Variants in KCNT1 observed in about 807,000 individuals in gnomAD.
KCNT1 encodes potassium sodium-activated channel subfamily T member 1, also known as potassium channel subfamily T member 1.
Under a neutral mutation model 147.8 loss-of-function variants are expected in KCNT1, and 78 were observed. The ratio of observed to expected loss-of-function variants is 0.53; its 90% CI spans 0.44 to 0.64. The LOEUF is 0.64. KCNT1 is among the 30% of genes least tolerant of loss of function. The pLI is 0.00. For missense variants in KCNT1, 1,419 were observed against 1,750.3 expected (o/e 0.81, Z 3.38); for synonymous variants, 867 against 748.8 (o/e 1.16, Z -2.58).
intron 2 of KCNT1, chr9:135,736,407 A>C (rs1387818842): frequency 1.3e-5 from 2 of 152,044 alleles, no homozygotes; most frequent in African/African-American, 4.8e-5. Flanking sequence ...GCTTCTGCCA[A>C]AGCAGCCGCA....
intron 13 of KCNT1, among the ~76,000 whole-genome samples, chr9:135,766,997 A>C (rs1442423915): frequency 2.0e-5 from 3 of 152,082 alleles, no homozygotes; most frequent in African/African-American, 7.2e-5. Flanking sequence ...AGGTAACAAG[A>C]GTATATTATT....
intron 1 of KCNT1, among the ~76,000 whole-genome samples, chr9:135,705,984 C>T (rs1304326010): frequency 1.3e-5 from 2 of 152,144 alleles, no homozygotes; most frequent in African/African-American, 4.8e-5. Context: ...ATTGCAGGAC[C>T]AGGGTCTGGA....
chr9:135,712,895 T>G (rs1835559656), intron 1 of KCNT1, among the ~76,000 whole-genome samples: 1 of 152,216 alleles, frequency 6.6e-6, no homozygotes, highest in African/African-American at 2.4e-5. Context: ...AAGAAGGGCA[T>G]CTTGTCCTTG....
intron 4 of KCNT1, among the ~76,000 whole-genome samples, chr9:135,753,285 A>G (rs554336867): frequency 1.3e-5 from 2 of 152,318 alleles, no homozygotes; most frequent in African/African-American, 4.8e-5. Context: ...GGAGCTGGCC[A>G]TCACCAGGGG....
chr9:135,725,838 G>A (rs1360467557), intron 2 of KCNT1, among the ~76,000 whole-genome samples: 1 of 152,216 alleles, frequency 6.6e-6, no homozygotes, highest in Non-Finnish European at 1.5e-5. Flanking sequence ...GTCCTAAGTT[G>A]ATTGAATATA....
At chr9:135,709,761 A>G (rs769869929) in intron 1 of KCNT1, among the ~76,000 whole-genome samples, 1 of 151,946 alleles carries the variant, frequency 6.6e-6, no homozygotes, top group Non-Finnish European at 1.5e-5. Flanking sequence ...GCTCACTGCA[A>G]CCTCCGCCTC....
At chr9:135,735,552 G>A (rs1001187287) in intron 2 of KCNT1, among the ~76,000 whole-genome samples, 1 of 152,186 alleles carries the variant, frequency 6.6e-6, no homozygotes, top group African/African-American at 2.4e-5. Context: ...GATTCAGGGT[G>A]GGGGAACAGG....
chr9:135,767,660 C>T (rs1000957273), intron 13 of KCNT1, among the ~76,000 whole-genome samples: 12 of 152,062 alleles, frequency 7.9e-5, no homozygotes, highest in Non-Finnish European at 1.6e-4. Context: ...TGGCACACAC[C>T]TAGGTGGGGT....
chr9:135,725,767 G>C (rs1388664459), intron 2 of KCNT1, among the ~76,000 whole-genome samples: 4 of 152,244 alleles, frequency 2.6e-5, no homozygotes, highest in Non-Finnish European at 4.4e-5. Context: ...GCCGGGTCCA[G>C]GCGGACAGAG....
chr9:135,769,953 T>A lies in KCNT1; in HGVS notation c.1517T>A (p.Val506Glu). ...NKFHVKFADH[V>E]VCEEECKYAM... ...CCTCCCCCACTGCCCGCAGACCACG[T>A]GGTGTGTGAGGAGGAGTGCAAGTAC... is the stretch of plus-strand genomic sequence containing the variant. The change falls in exon 16 of 31, where the codon GTG becomes GAG. Residue 506 changes from valine (V) to glutamate (E), a missense_variant. Transcript: ENST00000371757. 6.4e-7 allele frequency: 1 copy of A among 1,551,228 alleles called. No homozygotes were observed. Among genetic ancestry groups the A allele is most frequent in the Non-Finnish European group, 8.7e-7 (1 of 1,147,400 alleles).
chr9:135,702,688 G>A lies in KCNT1; in HGVS notation c.110+320G>A, dbSNP rs549767510. 2.0e-5 allele frequency among the ~76,000 whole-genome samples: 3 copies of A among 152,206 alleles called. No individual in the cohort carries two copies. The South Asian group carries it at 6.2e-4, about 32-fold the overall frequency. ...GTGGGGAGTGGCAGGGAGGCTGGGGGCGGTGCAGGGCCTTCCATCTCCCCC... is the reference window on the plus strand; with the variant it reads ...GTGGGGAGTGGCAGGGAGGCTGGGGACGGTGCAGGGCCTTCCATCTCCCCC... On this transcript the variant is annotated intron_variant, in intron 1 of 30. Coordinates refer to ENST00000371757, the MANE Select transcript of KCNT1 (RefSeq NM_020822.3).
chr9:135,780,817 C>T (rs560785756), intron 24 of KCNT1, among the ~76,000 whole-genome samples: 4 of 152,326 alleles, frequency 2.6e-5, no homozygotes, highest in African/African-American at 9.6e-5. Flanking sequence ...GGTGCCGGGC[C>T]GCTCCCCAGG....
chr9:135,730,240 G>A lies in KCNT1; in HGVS notation c.254+15520G>A, dbSNP rs986693245. ...AAGGGGTTCCCTGGACTCCCCCTTC[G>A]GAGCATCAGGTGTGGACCCATGGAG... On this transcript the variant is annotated intron_variant, in intron 2 of 30. Transcript: ENST00000371757. This position sits in a 1 kb window ranked among gnomAD's most constrained non-coding sequence, Gnocchi z 4.7. Among the ~76,000 whole-genome samples, 13 of 152,108 alleles carry A rather than the reference G, an allele frequency of 8.5e-5. No individual in the cohort carries two copies. Among genetic ancestry groups the A allele is most frequent in the East Asian group, 7.7e-4 (4 of 5,182 alleles).
Position 135,775,401 on chromosome 9 carries a change from C to T in KCNT1, c.2335C>T (p.Leu779=), listed in dbSNP as rs1833091346. 1 of 1,610,354 alleles carries T rather than the reference C, an allele frequency of 6.2e-7. No individual in the cohort carries two copies. The highest frequency in any genetic ancestry group is 8.5e-7 in the Non-Finnish European group (1 of 1,178,182). Reference sequence around the variant, plus strand: ...GCCTGTGAAAGCCCCCTTCTGCTGCCTGCGGCTGGACAAGGTAAGGCTGGC... The same window carrying T: ...GCCTGTGAAAGCCCCCTTCTGCTGCTTGCGGCTGGACAAGGTAAGGCTGGC... The part of the protein sequence containing the change: ...LLPVKAPFCC[L]RLDKGCKHNS... Residue 779 remains leucine (L), a synonymous_variant, in exon 20 of 31, where the codon CTG becomes TTG. Coordinates refer to ENST00000371757, the MANE Select transcript of KCNT1 (RefSeq NM_020822.3).
At chr9:135,776,246 T>C (rs1045641919) in intron 20 of KCNT1, among the ~76,000 whole-genome samples, 12 of 151,750 alleles carry the variant, frequency 7.9e-5, no homozygotes, top group Non-Finnish European at 2.9e-5. Context: ...AGTGGGTTCT[T>C]TTTTGTTTAT....
At chr9:135,704,393 C>T (rs1300263882) in intron 1 of KCNT1, among the ~76,000 whole-genome samples, 1 of 152,354 alleles carries the variant, frequency 6.6e-6, no homozygotes, top group East Asian at 1.9e-4. Flanking sequence ...AGCCTCAAGG[C>T]CATCAGGCCG....
intron 29 of KCNT1, among the ~76,000 whole-genome samples, chr9:135,788,499 G>A (rs1002505197): frequency 1.3e-5 from 2 of 152,344 alleles, no homozygotes; most frequent in South Asian, 2.1e-4. Flanking sequence ...TGATGTGACC[G>A]GTGGGCCACC....
Position 135,730,989 on chromosome 9 carries a change from G to GGAAAAAA in KCNT1, c.254+16269_254+16270insGAAAAAA, listed in dbSNP as rs1564327003. On this transcript the variant is annotated intron_variant, in intron 2 of 30. Transcript: ENST00000371757. This position sits in a 1 kb window ranked among gnomAD's most constrained non-coding sequence, Gnocchi z 4.7. The stretch of plus-strand genomic sequence containing the variant: ...CAACAAAGTGAGATCCCGTCTCAAG[G>GGAAAAAA]TAAAAAAAAAAAAAAAAAAAAAAAG... Among the ~76,000 whole-genome samples, 1 of 39,610 alleles carries GGAAAAAA rather than the reference G, an allele frequency of 2.5e-5. No homozygotes were observed. Among genetic ancestry groups the GGAAAAAA allele is most frequent in the African/African-American group, 9.8e-5 (1 of 10,158 alleles). 26.0% of individuals were successfully genotyped at this position (39,610 alleles called of 152,430 possible). A position where few individuals can be genotyped will look rare whatever the true frequency, so the allele number is the denominator to read the frequency against.
intron 18 of KCNT1, chr9:135,771,318 C>T (rs1377412709): frequency 3.3e-6 from 2 of 601,950 alleles, no homozygotes; most frequent in Admixed American, 3.0e-5. Flanking sequence ...CCGGGCAGGG[C>T]AGGAGACCAG....
Sources: gnomAD v4.1 joint callset for allele counts (sites outside exome capture counted in the v4.1 genomes callset) on GRCh38, gnomAD v4.1.1 for gene constraint, Gnocchi (gnomAD v3.1) non-coding constraint, MANE v1.5 for transcripts, NCBI Gene and HGNC (gene_info 2026-07-23, HGNC 2026-07-21) for gene names.